IRS1: variants seen among roughly 807,000 people sequenced by gnomAD.
The protein encoded by IRS1 is insulin receptor substrate 1.
In IRS1, 34 loss-of-function variants were observed where a neutral mutation model predicts 65.6. The observed-to-expected ratio is 0.52, with a 90% CI of 0.39 to 0.69. IRS1 has a LOEUF of 0.69. Among genes scored for constraint, IRS1 ranks in the 30% least tolerant of loss-of-function variants. The pLI is 0.00. For synonymous variants in IRS1, 699 were observed against 683.5 expected, an observed-to-expected ratio of 1.02 and a Z score of -0.35; for missense variants, 1,641 against 1,720.2, an observed-to-expected ratio of 0.95 and a Z score of 0.81.
chr2:226,752,425 G>T (rs551028754), intron 1 of IRS1, among the ~76,000 whole-genome samples: 1 of 152,100 alleles, frequency 6.6e-6, no homozygotes, highest in African/African-American at 2.4e-5. Context: ...CCACAGATTC[G>T]CTTTTCCAGT....
At position 226,798,755 on chromosome 2, in the gene IRS1, C is replaced by T; in HGVS notation, c.-17G>A. The T allele has an allele frequency of 6.2e-7, 1 of 1,607,220 alleles. No individual in the cohort carries two copies. The highest frequency in any genetic ancestry group is 8.5e-7 in the Non-Finnish European group (1 of 1,177,602). On this transcript the variant is annotated 5_prime_UTR_variant, in exon 1 of 2. The change creates a new upstream start codon in the 5' untranslated region. Coordinates refer to ENST00000305123, the MANE Select transcript of IRS1 (RefSeq NM_005544.3). The surrounding 1 kb of genome is among the most constrained non-coding windows in gnomAD (Gnocchi z 9.4). ...GCTCGCCATGCTGCCACCGCCACCA[C>T]CAACGCTGAGCAGAGGGAGGCTCCG...
intron 1 of IRS1, among the ~76,000 whole-genome samples, chr2:226,790,967 C>T (rs1939581380): frequency 6.6e-6 from 1 of 152,156 alleles, no homozygotes; most frequent in Non-Finnish European, 1.5e-5. Context: ...CACAGCATTT[C>T]CTCCAAGCCT....
intron 1 of IRS1, among the ~76,000 whole-genome samples, chr2:226,760,021 T>G (rs1444370344): frequency 6.6e-6 from 1 of 152,000 alleles, no homozygotes; most frequent in African/African-American, 2.4e-5. Flanking sequence ...TTTTTAGAAG[T>G]ACAAAACAGC....
rs756790900 is a variant in IRS1 at position 226,797,249 on chromosome 2, C to T, written c.1490G>A (p.Gly497Glu). The change falls in exon 1 of 2, where the codon GGA becomes GAA. Residue 497 changes from glycine (G) to glutamate (E), a missense_variant. This residue lies in a region of IRS1 where 1,324 missense variants were observed against 1,361.0 expected (regional missense o/e 0.97). Transcript: ENST00000305123. This position sits in a 1 kb window ranked among gnomAD's most constrained non-coding sequence, Gnocchi z 8.1. ...GGCTGGACTCGTGCCCAAGCCTGTTCCTGGGGTGCAGCGGTGGCCATTGCC... is the reference window on the plus strand; with the variant it reads ...GGCTGGACTCGTGCCCAAGCCTGTTTCTGGGGTGCAGCGGTGGCCATTGCC... ...RGGNGHRCTP[G>E]TGLGTSPALA... The T allele has an allele frequency of 1.2e-6, 2 of 1,613,480 alleles. No individual in the cohort carries two copies. Among genetic ancestry groups the T allele is most frequent in the Non-Finnish European group, 1.7e-6 (2 of 1,179,960 alleles).
At chr2:226,762,829 C>G (rs1938943857) in intron 1 of IRS1, among the ~76,000 whole-genome samples, 1 of 152,132 alleles carries the variant, frequency 6.6e-6, no homozygotes, top group South Asian at 2.1e-4. Flanking sequence ...AGAGGCTGAT[C>G]ATAAGAACAA....
intron 1 of IRS1, among the ~76,000 whole-genome samples, chr2:226,756,415 T>A (rs1305091806): frequency 6.6e-6 from 1 of 152,188 alleles, no homozygotes; most frequent in Non-Finnish European, 1.5e-5. Flanking sequence ...AGTCAAAGTC[T>A]TGATATCCAA....
intron 1 of IRS1, among the ~76,000 whole-genome samples, chr2:226,765,230 C>A (rs533331558): frequency 1.3e-5 from 2 of 152,300 alleles, no homozygotes; most frequent in East Asian, 3.9e-4. Flanking sequence ...TGCCACTATG[C>A]CCAGCTCACC....
In IRS1 at chr2:226,798,329, C is replaced by T. The variant is rs1349574681; in HGVS notation, c.410G>A (p.Ser137Asn). Reference protein sequence around the residue: ...LGAGGGGGSCSGSSGLGEAGE... With the variant: ...LGAGGGGGSCNGSSGLGEAGE... ...AGCCTCACCAAGGCCGGAGCTGCCG[C>T]TGCAGCTGCCCCCACCACCTCCCGC... Residue 137 changes from serine (S) to asparagine (N), a missense_variant, in exon 1 of 2, where the codon AGC (serine) becomes AAC (asparagine). Ser to Asn is a conservative substitution (Grantham distance 46, BLOSUM62 1). Coordinates refer to ENST00000305123, the MANE Select transcript of IRS1 (RefSeq NM_005544.3). This position sits in a 1 kb window ranked among gnomAD's most constrained non-coding sequence, Gnocchi z 9.4. 4.3e-6 allele frequency: 7 copies of T among 1,613,408 alleles called. No individual in the cohort carries two copies. The highest frequency in any genetic ancestry group is 1.6e-4 in the Middle Eastern group (1 of 6,062).
Position 226,799,503 on chromosome 2 carries a change from C to A in IRS1, c.-765G>T. ...CCGGGCAGCCACTGCAGCTGGGGACCGGCCGGAGGGACAGACTCATCCCTG... is the reference window on the plus strand; with the variant it reads ...CCGGGCAGCCACTGCAGCTGGGGACAGGCCGGAGGGACAGACTCATCCCTG... On this transcript the variant is annotated 5_prime_UTR_variant, in exon 1 of 2. Coordinates refer to ENST00000305123, the MANE Select transcript of IRS1 (RefSeq NM_005544.3). This position sits in a 1 kb window ranked among gnomAD's most constrained non-coding sequence, Gnocchi z 6.1. 8.8e-7 allele frequency: 1 copy of A among 1,133,336 alleles called. No individual in the cohort carries two copies. Among genetic ancestry groups the A allele is most frequent in the Non-Finnish European group, 1.1e-6 (1 of 904,556 alleles). 70.2% of individuals were successfully genotyped at this position (1,133,336 alleles called of 1,614,324 possible).
chr2:226,786,798 A>C (rs1373259479), intron 1 of IRS1, among the ~76,000 whole-genome samples: 1 of 151,710 alleles, frequency 6.6e-6, no homozygotes, highest in Non-Finnish European at 1.5e-5. Context: ...AAAAAAAAAA[A>C]AAAACTTTTA....
chr2:226,762,520 T>C (rs1057181288), intron 1 of IRS1, among the ~76,000 whole-genome samples: 2 of 152,200 alleles, frequency 1.3e-5, no homozygotes, highest in African/African-American at 4.8e-5. Flanking sequence ...TGCAAATATC[T>C]TGGGCTTTGT....
At position 226,769,844 on chromosome 2, in the gene IRS1, A is replaced by G. The variant is rs146311057; in HGVS notation, c.*21+25145T>C. The stretch of plus-strand genomic sequence containing the variant: ...GTCCATTCACTGATCACAAGTATAC[A>G]TTCATCTTAGTTGAGACATATCAGC... On this transcript the variant is annotated intron_variant, in intron 1 of 1. Coordinates refer to ENST00000305123, the MANE Select transcript of IRS1 (RefSeq NM_005544.3). Among the ~76,000 whole-genome samples the G allele has an allele frequency of 8.5e-5, 13 of 152,310 alleles. No individual in the cohort carries two copies. The East Asian group carries it at 2.5e-3, about 29-fold the overall frequency.
intron 1 of IRS1, among the ~76,000 whole-genome samples, chr2:226,742,374 C>T (rs1296481042): frequency 1.3e-5 from 2 of 152,170 alleles, no homozygotes; most frequent in African/African-American, 4.8e-5. Context: ...GAAAGGAAAC[C>T]AACTTCTTTT....
In IRS1 at chr2:226,796,870, G is replaced by C. The variant is rs1276613140; in HGVS notation, c.1869C>G (p.Pro623=). ...AGTCTCCACTGCCCTTTCGGCCACTGGGCACTGGGGCCACCCCTGGGGACA... is the reference window on the plus strand; with the variant it reads ...AGTCTCCACTGCCCTTTCGGCCACTCGGCACTGGGGCCACCCCTGGGGACA... ...MPMSPGVAPV[P]SGRKGSGDYM... Residue 623 remains proline (P), a synonymous_variant, in exon 1 of 2, where the codon CCC becomes CCG. Coordinates refer to ENST00000305123, the MANE Select transcript of IRS1 (RefSeq NM_005544.3). 6.5e-7 allele frequency: 1 copy of C among 1,538,454 alleles called. No homozygotes were observed. Among genetic ancestry groups the C allele is most frequent in the Non-Finnish European group, 8.8e-7 (1 of 1,141,794 alleles).
Position 226,796,096 on chromosome 2 carries a change from C to T in IRS1, c.2643G>A (p.Gln881=). The T allele has an allele frequency of 6.2e-7, 1 of 1,613,528 alleles. No individual in the cohort carries two copies. Among genetic ancestry groups the T allele is most frequent in the South Asian group, 1.1e-5 (1 of 91,084 alleles). Residue 881 remains glutamine, a synonymous_variant, in exon 1 of 2, where the codon CAG becomes CAA. Transcript: ENST00000305123. ...GCTCTGGAGGGTGCAGCAAGGGCTG[C>T]TGCTGCTGCTGCTGCTCTCGGGCCC... is the stretch of plus-strand genomic sequence containing the variant. ...LPRAREQQQQ[Q]QPLLHPPEPK...
Position 226,796,285 on chromosome 2 carries a change from C to T in IRS1, c.2454G>A (p.Gly818=), listed in dbSNP as rs764156604. Residue 818 remains glycine, a synonymous_variant, in exon 1 of 2, where the codon GGG becomes GGA. Transcript: ENST00000305123. ...GCTCCAGCCTAGCCCCGCAGTATCC[C>T]CCACCCAGGCTGTCGCTGCTGGTGG... ...SSSTSSDSLG[G]GYCGARLEPS... 1.2e-6 allele frequency: 2 copies of T among 1,613,528 alleles called. No homozygotes were observed. The highest frequency in any genetic ancestry group is 1.7e-6 in the Non-Finnish European group (2 of 1,180,042).
At position 226,736,178 on chromosome 2, in the gene IRS1, A is replaced by G. The variant is rs1382896992; in HGVS notation, c.*94T>C. On this transcript the variant is annotated 3_prime_UTR_variant, in exon 2 of 2. Coordinates refer to ENST00000305123, the MANE Select transcript of IRS1 (RefSeq NM_005544.3). Reference sequence around the variant, plus strand: ...AGGAAGATATGAGGTCCTAGTTGTGAATCATGAAATATTTAGAGTCTGGGT... The same window carrying G: ...AGGAAGATATGAGGTCCTAGTTGTGGATCATGAAATATTTAGAGTCTGGGT... 1 of 152,598 alleles carries G rather than the reference A, an allele frequency of 6.6e-6. No homozygotes were observed. The highest frequency in any genetic ancestry group is 2.4e-5 in the African/African-American group (1 of 41,462). 9.5% of individuals were successfully genotyped at this position (152,598 alleles called of 1,614,324 possible).
intron 1 of IRS1, among the ~76,000 whole-genome samples, chr2:226,774,378 A>G (rs1303608210): frequency 6.6e-6 from 1 of 152,194 alleles, no homozygotes; most frequent in East Asian, 1.9e-4. Flanking sequence ...CTGTCTCTGA[A>G]AAAGTAAAAC....
intron 1 of IRS1, among the ~76,000 whole-genome samples, chr2:226,764,166 G>T (rs1938979247): frequency 6.6e-6 from 1 of 151,292 alleles, no homozygotes; most frequent in South Asian, 2.1e-4. Flanking sequence ...ATTTCCTTTT[G>T]CTTTTTCTGC....
Sources: allele counts gnomAD v4.1 joint callset (sites outside exome capture counted in the v4.1 genomes callset), GRCh38; gene constraint gnomAD v4.1.1; regional missense constraint gnomAD v4.1.1; non-coding constraint Gnocchi (gnomAD v3.1); transcripts MANE v1.5; gene names NCBI Gene and HGNC (gene_info 2026-07-23, HGNC 2026-07-21).